The following SLC2A9 variants were observed in gnomAD, a reference collection of about 807,000 sequenced individuals.
SLC2A9 encodes the protein solute carrier family 2, facilitated glucose transporter member 9.
Under a neutral mutation model 50.6 loss-of-function variants are expected in SLC2A9, and 39 were observed. The observed-to-expected ratio is 0.77, with a 90% CI of 0.60 to 1.01. SLC2A9 has a LOEUF of 1.01. Among genes scored for constraint, SLC2A9 ranks in the 50% least tolerant of loss-of-function variants. The pLI is 0.00. For missense variants in SLC2A9, 686 were observed against 677.6 expected, an observed-to-expected ratio of 1.01 and a Z score of -0.14; for synonymous variants, 324 against 276.9, an observed-to-expected ratio of 1.17 and a Z score of -1.69.
chr4:9,789,785 G>A (rs926930199), intron 3 of SLC2A9, among the ~76,000 whole-genome samples: 2 of 152,328 alleles, frequency 1.3e-5, no homozygotes, highest in African/African-American at 2.4e-5. Flanking sequence ...AGGGATACAT[G>A]TCTCCCATTT....
At chr4:9,782,825 G>T (rs371407561) in intron 3 of SLC2A9, 2 of 1,613,160 alleles carry the variant, frequency 1.2e-6, no homozygotes, top group African/African-American at 2.7e-5. Context: ...GGAGAGGGCC[G>T]CAGAGCACGC....
At chr4:9,819,116 C>CAAAAA (rs60751108) in intron 3 of SLC2A9, among the ~76,000 whole-genome samples, 25 of 57,342 alleles carry the variant, frequency 4.4e-4, no homozygotes, top group African/African-American at 8.6e-4. Flanking sequence ...GAGACTGTCT[C>CAAAAA]AAAAAAAAAA....
intron 3 of SLC2A9, chr4:9,782,992 C>T (rs1274409054): frequency 1.3e-5 from 21 of 1,614,234 alleles, no homozygotes; most frequent in Non-Finnish European, 1.8e-5. Flanking sequence ...TGGTCCCTTT[C>T]TGCAGTGGAC....
chr4:9,856,387 G>A (rs377726397), intron 10 of SLC2A9, among the ~76,000 whole-genome samples: 1 of 152,192 alleles, frequency 6.6e-6, no homozygotes, highest in Non-Finnish European at 1.5e-5. Context: ...GTAATCATTA[G>A]AGAAATGCAA....
intron 3 of SLC2A9, chr4:9,792,879 T>G (rs1720140575): frequency 6.5e-6 from 1 of 152,962 alleles, no homozygotes; most frequent in African/African-American, 2.4e-5. Context: ...TCTTTATTTA[T>G]TTATTTATTT....
At chr4:9,913,303 T>TTTTGTG (rs1553871073) in intron 7 of SLC2A9, among the ~76,000 whole-genome samples, 5 of 142,118 alleles carry the variant, frequency 3.5e-5, no homozygotes, top group African/African-American at 1.3e-4. Context: ...TCCTGTGTGT[T>TTTTGTG]TGTGTGTGTG....
intron 3 of SLC2A9, among the ~76,000 whole-genome samples, chr4:9,789,604 T>G (rs1425557116): frequency 6.6e-6 from 1 of 152,182 alleles, no homozygotes; most frequent in African/African-American, 2.4e-5. Context: ...AGGGGAGAGT[T>G]AAGCGGAGAA....
chr4:10,028,164 C>A (rs1763815767), intron 1 of SLC2A9, among the ~76,000 whole-genome samples: 1 of 152,188 alleles, frequency 6.6e-6, no homozygotes, highest in Non-Finnish European at 1.5e-5. Flanking sequence ...GCCCTCAGCT[C>A]CCTCATCTGG....
At chr4:9,964,576 G>A (rs1312305667) in intron 5 of SLC2A9, among the ~76,000 whole-genome samples, 2 of 152,188 alleles carry the variant, frequency 1.3e-5, no homozygotes, top group African/African-American at 4.8e-5. Context: ...GGATAAGGAC[G>A]ATGTTGCTGG....
intron 10 of SLC2A9, among the ~76,000 whole-genome samples, chr4:9,869,538 C>T (rs1733060552): frequency 6.6e-6 from 1 of 152,208 alleles, no homozygotes; most frequent in African/African-American, 2.4e-5. Flanking sequence ...GCTCACCTTG[C>T]TAGACCACGG....
In SLC2A9 at chr4:9,900,132, C is replaced by A. The variant is rs569254267; in HGVS notation, c.1113+8103G>T. Among the ~76,000 whole-genome samples the A allele has an allele frequency of 7.3e-4, 111 of 152,302 alleles. 1 individual carries two copies. The highest frequency in any genetic ancestry group is 1.4e-3 in the Non-Finnish European group (95 of 68,014). On this transcript the variant is annotated intron_variant, in intron 8 of 11. Transcript: ENST00000264784. ...CCAGATGACTTAGGAGTCAGGGCTT[C>A]CATAGCAGGAGCATCGAGTTGGCAG...
chr4:9,909,702 G>T (rs372191858), intron 7 of SLC2A9, among the ~76,000 whole-genome samples: 101 of 152,350 alleles, frequency 6.6e-4, no homozygotes, highest in African/African-American at 2.3e-3. Context: ...GGACACAAAT[G>T]ATGTCTGGGT....
intron 1 of SLC2A9, among the ~76,000 whole-genome samples, chr4:10,039,732 T>G: frequency 6.6e-6 from 1 of 152,158 alleles, no homozygotes; most frequent in Admixed American, 6.5e-5. Context: ...ATGGCCCATC[T>G]CCACTCTCCA....
chr4:9,960,473 C>T (rs1352560044), intron 5 of SLC2A9, among the ~76,000 whole-genome samples: 1 of 152,276 alleles, frequency 6.6e-6, no homozygotes, highest in South Asian at 2.1e-4. Flanking sequence ...AGTGGCCCAG[C>T]CCCTTAAGGG....
At chr4:9,887,699 G>A in intron 9 of SLC2A9, 57 bp from the exon 10 acceptor site, 1 of 1,359,192 alleles carries the variant, frequency 7.4e-7, no homozygotes, top group South Asian at 1.7e-5. Flanking sequence ...CGGAGGACCT[G>A]AGTTCCCACC....
At chr4:9,917,455 C>A in intron 7 of SLC2A9, among the ~76,000 whole-genome samples, 1 of 150,258 alleles carries the variant, frequency 6.7e-6, no homozygotes, top group Admixed American at 6.7e-5. Flanking sequence ...GCCTCAGCCT[C>A]CAGAGTAGCT....
At chr4:9,888,276 T>C (rs980623769) in intron 9 of SLC2A9, among the ~76,000 whole-genome samples, 10 of 149,584 alleles carry the variant, frequency 6.7e-5, no homozygotes, top group Admixed American at 1.3e-4. Flanking sequence ...TATATACATA[T>C]ATATATATAT....
chr4:9,856,517 G>A (rs950591262), intron 10 of SLC2A9, among the ~76,000 whole-genome samples: 1 of 151,658 alleles, frequency 6.6e-6, no homozygotes, highest in Non-Finnish European at 1.5e-5. Context: ...ACTGTTGGTG[G>A]GAATGTGTTA....
At chr4:9,874,865 G>C (rs1439400287) in intron 10 of SLC2A9, among the ~76,000 whole-genome samples, 1 of 152,166 alleles carries the variant, frequency 6.6e-6, no homozygotes, top group Non-Finnish European at 1.5e-5. Flanking sequence ...AATGTGGGAC[G>C]CTGTGTCTTT....
Sources: gnomAD v4.1 joint callset for allele counts (sites outside exome capture counted in the v4.1 genomes callset) on GRCh38, gnomAD v4.1.1 for gene constraint, MANE v1.5 for transcripts, NCBI Gene and HGNC (gene_info 2026-07-23, HGNC 2026-07-21) for gene names.